Variants in CPQ observed in about 807,000 individuals in gnomAD.
CPQ encodes the protein Ser-Met dipeptidase.
Under a neutral mutation model 45.7 loss-of-function variants are expected in CPQ, and 37 were observed. The ratio of observed to expected loss-of-function variants is 0.81; its 90% CI spans 0.62 to 1.07. The LOEUF (loss-of-function observed/expected upper bound fraction) is 1.07, where lower values mean the gene tolerates loss of function less well. Among genes scored for constraint, CPQ ranks in the 50% least tolerant of loss-of-function variants. CPQ has a pLI of 0.00. For synonymous variants in CPQ, 186 were observed against 205.8 expected, an observed-to-expected ratio of 0.90 and a Z score of 0.82; for missense variants, 537 against 572.9, an observed-to-expected ratio of 0.94 and a Z score of 0.64.
At chr8:97,099,542 A>G (rs1391626417) in intron 7 of CPQ, among the ~76,000 whole-genome samples, 1 of 150,556 alleles carries the variant, frequency 6.6e-6, no homozygotes, top group Non-Finnish European at 1.5e-5. Flanking sequence ...AATTCTTAAG[A>G]TATGTGTGTT....
At chr8:96,933,717 A>C (rs1018338388) in intron 4 of CPQ, among the ~76,000 whole-genome samples, 3 of 152,078 alleles carry the variant, frequency 2.0e-5, no homozygotes, top group African/African-American at 7.2e-5. Context: ...TGCAAGATGG[A>C]GCCAATGTAA....
chr8:97,119,703 C>T (rs1811665709), intron 7 of CPQ, among the ~76,000 whole-genome samples: 1 of 152,188 alleles, frequency 6.6e-6, no homozygotes, highest in Non-Finnish European at 1.5e-5. Context: ...ATACAGACCC[C>T]TGCATCGTGA....
intron 7 of CPQ, among the ~76,000 whole-genome samples, chr8:97,111,568 A>G (rs541017497): frequency 6.6e-6 from 1 of 152,316 alleles, no homozygotes; most frequent in East Asian, 1.9e-4. Context: ...AGTCAGGACT[A>G]TCTGCCTCCT....
At chr8:96,718,400 A>G (rs1156586403) in intron 1 of CPQ, among the ~76,000 whole-genome samples, 1 of 152,002 alleles carries the variant, frequency 6.6e-6, no homozygotes, top group Non-Finnish European at 1.5e-5. Flanking sequence ...TCAGGAGTGA[A>G]GCTGCAGACC....
intron 1 of CPQ, among the ~76,000 whole-genome samples, chr8:96,727,226 T>C (rs1303900727): frequency 6.6e-6 from 1 of 152,194 alleles, no homozygotes; most frequent in Non-Finnish European, 1.5e-5. Flanking sequence ...TTAGCCAATA[T>C]ATAATGGAAG....
At chr8:97,082,272 A>G (rs1265857614) in intron 7 of CPQ, among the ~76,000 whole-genome samples, 2 of 152,112 alleles carry the variant, frequency 1.3e-5, no homozygotes, top group African/African-American at 4.8e-5. Flanking sequence ...GGGGTAAACC[A>G]TGACCATGGG....
intron 5 of CPQ, among the ~76,000 whole-genome samples, chr8:97,028,401 T>C (rs1809837021): frequency 6.6e-6 from 1 of 152,218 alleles, no homozygotes; most frequent in Admixed American, 6.5e-5. Flanking sequence ...CTGAGATATG[T>C]GGTGTGTCCA....
intron 3 of CPQ, among the ~76,000 whole-genome samples, chr8:96,855,329 A>T (rs1811831775): frequency 6.6e-6 from 1 of 152,172 alleles, no homozygotes; most frequent in Non-Finnish European, 1.5e-5. Context: ...TCCTGCATCT[A>T]GACAACAGGC....
intron 6 of CPQ, among the ~76,000 whole-genome samples, chr8:97,042,261 G>C (rs1459722081): frequency 3.3e-5 from 5 of 152,014 alleles, no homozygotes; most frequent in Non-Finnish European, 5.9e-5. Flanking sequence ...AGATTTTCTA[G>C]TTTATTTGCG....
intron 4 of CPQ, among the ~76,000 whole-genome samples, chr8:96,921,648 G>A (rs1308467096): frequency 2.6e-5 from 4 of 152,152 alleles, no homozygotes; most frequent in African/African-American, 9.7e-5. Context: ...TTGAGCCAGG[G>A]AGGTCTTCCC....
intron 4 of CPQ, among the ~76,000 whole-genome samples, chr8:96,955,867 A>G (rs968881150): frequency 6.6e-6 from 1 of 152,188 alleles, no homozygotes; most frequent in Non-Finnish European, 1.5e-5. Context: ...TTATACAAAA[A>G]TTAATTCAAG....
chr8:96,733,760 C>A (rs1809943523), intron 1 of CPQ, among the ~76,000 whole-genome samples: 1 of 151,924 alleles, frequency 6.6e-6, no homozygotes, highest in Non-Finnish European at 1.5e-5. Flanking sequence ...TCTGGGATTT[C>A]TTTGAAATCT....
intron 5 of CPQ, among the ~76,000 whole-genome samples, chr8:97,012,304 G>A (rs921575541): frequency 6.6e-6 from 1 of 152,084 alleles, no homozygotes; most frequent in African/African-American, 2.4e-5. Flanking sequence ...CTTCTTTTAT[G>A]AAATAGAATT....
intron 4 of CPQ, among the ~76,000 whole-genome samples, chr8:96,903,463 G>A (rs1586445064): frequency 6.6e-6 from 1 of 152,186 alleles, no homozygotes; most frequent in African/African-American, 2.4e-5. Flanking sequence ...TTATGAAGAA[G>A]GGGGAGAAGG....
chr8:97,029,589 T>A, intron 6 of CPQ, 95 bp downstream of exon 6: 1 of 1,153,346 alleles, frequency 8.7e-7, no homozygotes, highest in Non-Finnish European at 1.3e-6. Context: ...TACTTTCTGG[T>A]CAACTGGCCC....
At chr8:96,662,767 C>T (rs976813589) in intron 1 of CPQ, among the ~76,000 whole-genome samples, 2 of 152,058 alleles carry the variant, frequency 1.3e-5, no homozygotes, top group Non-Finnish European at 2.9e-5. Flanking sequence ...GCAGGCAGAT[C>T]GCTTGAGCCC....
intron 6 of CPQ, among the ~76,000 whole-genome samples, chr8:97,046,144 G>A (rs1298443619): frequency 8.5e-5 from 13 of 152,060 alleles, no homozygotes; most frequent in Admixed American, 6.5e-4. Flanking sequence ...GGCTGGTCTC[G>A]GTCTAGCTTT....
chr8:96,789,782 G>A (rs899512764), intron 2 of CPQ, among the ~76,000 whole-genome samples: 2 of 152,190 alleles, frequency 1.3e-5, no homozygotes, highest in African/African-American at 2.4e-5. Flanking sequence ...TTTTTAGCCA[G>A]TGTTTGCTCA....
chr8:96,653,467 G>C (rs1815601327), intron 1 of CPQ, among the ~76,000 whole-genome samples: 1 of 152,130 alleles, frequency 6.6e-6, no homozygotes, highest in Non-Finnish European at 1.5e-5. Context: ...TCATCCTTGA[G>C]CAATGCGGGG....
Sources: gnomAD v4.1 joint callset for allele counts (sites outside exome capture counted in the v4.1 genomes callset) on GRCh38, gnomAD v4.1.1 for gene constraint, MANE v1.5 for transcripts, NCBI Gene and HGNC (gene_info 2026-07-23, HGNC 2026-07-21) for gene names.